Variants in NR2F1-AS1 observed in about 807,000 individuals in gnomAD.
NR2F1-AS1 encodes the protein NR2F1 regulatory antisense RNA 1.
chr5:93,573,762 C>G (rs544409359), intron 1 of NR2F1-AS1, among the ~76,000 whole-genome samples: 2 of 152,180 alleles, frequency 1.3e-5, no homozygotes, highest in Non-Finnish European at 2.9e-5. Flanking sequence ...CAGAGCATCC[C>G]GTCCTCGCCT....
In NR2F1-AS1 at chr5:93,464,946, G is replaced by A. The variant is rs540830331; in HGVS notation, n.639-69404C>T. Among the ~76,000 whole-genome samples the A allele has an allele frequency of 9.2e-5, 14 of 152,292 alleles. No individual in the cohort carries two copies. The South Asian group carries it at 1.2e-3, about 14-fold the overall frequency. On this transcript the variant is annotated intron_variant and non_coding_transcript_variant, in intron 4 of 5. Transcript: ENST00000660523. Reference sequence around the variant, plus strand: ...CAGACCTTCAGTAGTATCATCTAGCGCAAGCTGTTCCTGAATAACCATCTC... The same window carrying A: ...CAGACCTTCAGTAGTATCATCTAGCACAAGCTGTTCCTGAATAACCATCTC...
chr5:93,452,717 C>A (rs1236552373), intron 4 of NR2F1-AS1, among the ~76,000 whole-genome samples: 1 of 152,044 alleles, frequency 6.6e-6, no homozygotes, highest in African/African-American at 2.4e-5. Context: ...AGTGGAGAGG[C>A]CATATAGTAC....
At chr5:93,541,966 CTTAT>C (rs1646531633) in intron 4 of NR2F1-AS1, 2 of 151,496 alleles carry the variant, frequency 1.3e-5, no homozygotes, top group Admixed American at 6.6e-5. Flanking sequence ...AATATTATTA[CTTAT>C]TTTTCTTTTT....
chr5:93,455,852 C>A (rs969568322), intron 4 of NR2F1-AS1, among the ~76,000 whole-genome samples: 1 of 151,846 alleles, frequency 6.6e-6, no homozygotes, highest in African/African-American at 2.4e-5. Context: ...CGCACACACA[C>A]ACACACACAC....
intron 4 of NR2F1-AS1, among the ~76,000 whole-genome samples, chr5:93,489,339 C>T (rs936598596): frequency 5.3e-5 from 8 of 151,792 alleles, no homozygotes; most frequent in Non-Finnish European, 1.0e-4. Context: ...GACCCTCCAC[C>T]GGCAAAAAGA....
intron 4 of NR2F1-AS1, among the ~76,000 whole-genome samples, chr5:93,523,480 G>C (rs1209935675): frequency 1.3e-5 from 2 of 152,186 alleles, no homozygotes; most frequent in Non-Finnish European, 2.9e-5. Flanking sequence ...GGATCTCCCA[G>C]CACAACCCTT....
intron 4 of NR2F1-AS1, among the ~76,000 whole-genome samples, chr5:93,535,734 C>T (rs1487325837): frequency 3.3e-5 from 5 of 152,084 alleles, no homozygotes; most frequent in African/African-American, 1.2e-4. Context: ...CAGACAAAAA[C>T]TATAAAATCT....
At chr5:93,482,293 G>A (rs1401102392) in intron 4 of NR2F1-AS1, among the ~76,000 whole-genome samples, 2 of 152,086 alleles carry the variant, frequency 1.3e-5, no homozygotes, top group East Asian at 1.9e-4. Flanking sequence ...GGTGCAGCCT[G>A]CAGAGGATGA....
chr5:93,416,861 T>TA (rs199875116), intron 4 of NR2F1-AS1, among the ~76,000 whole-genome samples: 239 of 151,580 alleles, frequency 1.6e-3, no homozygotes, highest in African/African-American at 5.5e-3. Flanking sequence ...GTGGTTTATT[T>TA]AAAAAAAAAG....
chr5:93,566,978 T>C (rs1298241904), intron 1 of NR2F1-AS1, among the ~76,000 whole-genome samples: 1 of 152,034 alleles, frequency 6.6e-6, no homozygotes, highest in Admixed American at 6.5e-5. Context: ...TTATACAAAA[T>C]GGCATTTCTA....
At chr5:93,545,693 G>A (rs1409327502) in intron 4 of NR2F1-AS1, among the ~76,000 whole-genome samples, 3 of 152,144 alleles carry the variant, frequency 2.0e-5, no homozygotes, top group Non-Finnish European at 4.4e-5. Flanking sequence ...CCCAAGCCTG[G>A]ATACACTGTA....
intron 4 of NR2F1-AS1, among the ~76,000 whole-genome samples, chr5:93,455,291 A>T (rs1243353641): frequency 1.3e-5 from 2 of 152,208 alleles, no homozygotes; most frequent in Non-Finnish European, 2.9e-5. Flanking sequence ...CGACACTAGC[A>T]ACATTGTAAG....
intron 4 of NR2F1-AS1, among the ~76,000 whole-genome samples, chr5:93,455,685 A>T (rs945971595): frequency 1.3e-5 from 2 of 152,178 alleles, no homozygotes; most frequent in Admixed American, 1.3e-4. Context: ...TAGACTTCAG[A>T]TCAAAGAATA....
chr5:93,537,048 A>G (rs1751854529), intron 4 of NR2F1-AS1, among the ~76,000 whole-genome samples: 1 of 152,210 alleles, frequency 6.6e-6, no homozygotes. Flanking sequence ...GCCATGTGGA[A>G]CTGTAAGTCC....
At chr5:93,484,206 A>G (rs148128415) in intron 4 of NR2F1-AS1, among the ~76,000 whole-genome samples, 2,292 of 152,260 alleles carry the variant, frequency 0.015, 21 homozygotes, top group Non-Finnish European at 0.021. Context: ...AGAGAGAAAG[A>G]TCGGGTTACC....
At chr5:93,575,208 G>T (rs964911444) in intron 1 of NR2F1-AS1, among the ~76,000 whole-genome samples, 8 of 152,256 alleles carry the variant, frequency 5.3e-5, no homozygotes, top group Non-Finnish European at 8.8e-5. Context: ...AACATGGGGT[G>T]GGGGGAGCAT....
At chr5:93,539,054 G>C (rs892638746) in intron 4 of NR2F1-AS1, among the ~76,000 whole-genome samples, 2 of 152,118 alleles carry the variant, frequency 1.3e-5, no homozygotes, top group African/African-American at 4.8e-5. Context: ...CGAGGCAGGC[G>C]GATCACTTGA....
chr5:93,475,235 C>T (rs1460313871), intron 4 of NR2F1-AS1, among the ~76,000 whole-genome samples: 1 of 151,742 alleles, frequency 6.6e-6, no homozygotes, highest in Non-Finnish European at 1.5e-5. Context: ...ACTCAAAGGA[C>T]TATATGATCC....
At chr5:93,490,615 G>A (rs555918068) in intron 4 of NR2F1-AS1, among the ~76,000 whole-genome samples, 1 of 149,124 alleles carries the variant, frequency 6.7e-6, no homozygotes. Context: ...TGGCAGTGGT[G>A]GTGGTGGTGG....
Sources: allele counts gnomAD v4.1 joint callset (sites outside exome capture counted in the v4.1 genomes callset), GRCh38; gene constraint gnomAD v4.1.1; transcripts MANE v1.5; gene names NCBI Gene and HGNC (gene_info 2026-07-23, HGNC 2026-07-21).